The following NIFK variants were observed in gnomAD, a reference collection of about 807,000 sequenced individuals.
The protein encoded by NIFK is nucleolar protein interacting with the FHA domain of MKI67, also known as MKI67 FHA domain-interacting nucleolar phosphoprotein.
A neutral mutation model predicts 31.7 loss-of-function variants in NIFK; 16 were observed. The ratio of observed to expected loss-of-function variants is 0.50; its 90% CI spans 0.34 to 0.77. The LOEUF (loss-of-function observed/expected upper bound fraction) is 0.77. NIFK is among the 30% of genes least tolerant of loss of function. The probability of loss-of-function intolerance (pLI) is 0.01; values close to 1 mark genes in which losing one functional copy is unlikely to be tolerated. For synonymous variants in NIFK, 126 were observed against 123.0 expected, an observed-to-expected ratio of 1.02 and a Z score of -0.16; for missense variants, 341 against 350.4, an observed-to-expected ratio of 0.97 and a Z score of 0.21.
intron 3 of NIFK, 54 bp from the exon 4 acceptor site, chr2:121,731,158 T>C (rs1235097017): frequency 1.0e-6 from 1 of 1,002,228 alleles, no homozygotes; most frequent in East Asian, 2.4e-5. Flanking sequence ...CTTTAGAATC[T>C]CCGCAGTGCC....
chr2:121,727,754 C>A lies in NIFK; in HGVS notation c.852G>T (p.Arg284=). ...IQETQTPTHS[R]KKRRRSSNQ is the part of the protein sequence containing the mutation. Reference sequence around the variant, plus strand: ...GATTGCTGCTTCTTCGTCTTTTTTTCCGTGAATGTGTAGGTGTTTGAGTCT... The same window carrying A: ...GATTGCTGCTTCTTCGTCTTTTTTTACGTGAATGTGTAGGTGTTTGAGTCT... Residue 284 remains arginine, a synonymous_variant, in exon 7 of 7, where the codon CGG becomes CGT. Transcript: ENST00000285814. 1.3e-6 allele frequency: 2 copies of A among 1,598,760 alleles called. No individual in the cohort carries two copies. The highest frequency in any genetic ancestry group is 1.2e-5 in the South Asian group (1 of 86,560).
At chr2:121,727,934 T>C (rs1037868818) in intron 6 of NIFK, 22 bp from the exon 7 acceptor site, 1 of 1,561,326 alleles carries the variant, frequency 6.4e-7, no homozygotes, top group African/African-American at 1.4e-5. Flanking sequence ...AAGTAAAGAT[T>C]ATAATACATA....
At chr2:121,736,664 GCCGGA>G in intron 1 of NIFK, 77 bp downstream of exon 1, 1 of 1,217,240 alleles carries the variant, frequency 8.2e-7, no homozygotes, top group Non-Finnish European at 1.2e-6. Flanking sequence ...GGGCGCCCGG[GCCGGA>G]AACCGTGCAA....
intron 2 of NIFK, among the ~76,000 whole-genome samples, chr2:121,732,843 G>A (rs2074552699): frequency 6.6e-6 from 1 of 151,974 alleles, no homozygotes; most frequent in African/African-American, 2.4e-5. Context: ...TTCACTTTGG[G>A]AGGCCAAGGA....
chr2:121,735,271 C>T (rs937107985), intron 2 of NIFK, among the ~76,000 whole-genome samples: 2 of 152,162 alleles, frequency 1.3e-5, no homozygotes, highest in Non-Finnish European at 2.9e-5. Context: ...CAGTCCAACT[C>T]CAGAGTCCTC....
intron 3 of NIFK, 157 bp from the exon 4 acceptor site, chr2:121,731,261 C>A: frequency 1.7e-6 from 1 of 581,446 alleles, no homozygotes; most frequent in Non-Finnish European, 3.0e-6. Context: ...AATAGAGAGA[C>A]AAGACCTGGG....
rs1166821510 is a variant in NIFK, at chr2:121,732,214, A to G, written c.244-10T>C. ...CTTTGCTATTTCCAGTCTGCAACAG[A>G]GAAACCGCCACAAAAAGTAGAACAA... is the stretch of plus-strand genomic sequence containing the variant. On this transcript the variant is annotated splice_polypyrimidine_tract_variant and intron_variant, in intron 2 of 6. Transcript: ENST00000285814. 3 of 1,507,932 alleles carry G rather than the reference A, an allele frequency of 2.0e-6. No individual in the cohort carries two copies. The highest frequency in any genetic ancestry group is 1.4e-5 in the African/African-American group (1 of 72,770). 93.4% of individuals were successfully genotyped at this position (1,507,932 alleles called of 1,614,324 possible).
At chr2:121,735,124 T>A (rs1343342139) in intron 2 of NIFK, among the ~76,000 whole-genome samples, 1 of 152,228 alleles carries the variant, frequency 6.6e-6, no homozygotes, top group Non-Finnish European at 1.5e-5. Flanking sequence ...CAAGCAATCC[T>A]CTAAAGACTT....
In NIFK at chr2:121,731,118, G is replaced by GA. The variant is rs1269636835; in HGVS notation, c.353-15dup. ...GCATAAAATGACCTATTTTCAAAAA[G>GA]AAAAAAACATAAAGGTATTTTAATG... On this transcript the variant is annotated splice_polypyrimidine_tract_variant and intron_variant, in intron 3 of 6. Transcript: ENST00000285814. 2.8e-6 allele frequency: 4 copies of GA among 1,435,016 alleles called. No individual in the cohort carries two copies. Among genetic ancestry groups the GA allele is most frequent in the African/African-American group, 2.9e-5 (2 of 69,498 alleles). The allele number at this position is 1,435,016 out of a possible 1,614,324, so 88.9% of individuals were successfully genotyped here.
chr2:121,734,341 A>G (rs1371160667), intron 2 of NIFK, among the ~76,000 whole-genome samples: 1 of 152,118 alleles, frequency 6.6e-6, no homozygotes, highest in Non-Finnish European at 1.5e-5. Context: ...AAGGCAATAG[A>G]GTTACATGGA....
In NIFK at chr2:121,730,993, A is replaced by T; in HGVS notation, c.464T>A (p.Leu155Gln). 1 of 1,612,904 alleles carries T rather than the reference A, an allele frequency of 6.2e-7. No individual in the cohort carries two copies. Among genetic ancestry groups the T allele is most frequent in the Non-Finnish European group, 8.5e-7 (1 of 1,179,084 alleles). The stretch of plus-strand genomic sequence containing the variant: ...CTCCTCCATCCGTAGCTTTTGTGTT[A>T]GTGTCCGATTCCGATTATACCGTTT... ...SVKRYNRNRT[L>Q]TQKLRMEERF... Residue 155 changes from leucine to glutamine, a missense_variant, in exon 4 of 7, where the codon CTA becomes CAA. Leu to Gln is a moderately radical substitution (Grantham distance 113). Coordinates refer to ENST00000285814, the MANE Select transcript of NIFK (RefSeq NM_032390.5).
At chr2:121,732,390 A>C (rs2074547860) in intron 2 of NIFK, among the ~76,000 whole-genome samples, 186 bp from the exon 3 acceptor site, 1 of 152,228 alleles carries the variant, frequency 6.6e-6, no homozygotes, top group African/African-American at 2.4e-5. Flanking sequence ...AAGATGCACG[A>C]GTCTGAACAC....
chr2:121,736,106 C>G (rs2074577445), intron 1 of NIFK, among the ~76,000 whole-genome samples: 1 of 152,198 alleles, frequency 6.6e-6, no homozygotes. Context: ...CGCACTTCAT[C>G]GAAAAATTTT....
chr2:121,729,165 G>A (rs1355825967), intron 4 of NIFK, among the ~76,000 whole-genome samples: 1 of 152,010 alleles, frequency 6.6e-6, no homozygotes, highest in African/African-American at 2.4e-5. Context: ...TTCGAGACCA[G>A]CCTGGCTAAC....
chr2:121,733,535 C>T (rs1196888401), intron 2 of NIFK, among the ~76,000 whole-genome samples: 2 of 149,506 alleles, frequency 1.3e-5, no homozygotes, highest in Admixed American at 6.7e-5. Context: ...AAAAATTAGC[C>T]AGGCATGGTG....
rs778012994 is a variant in NIFK, at chr2:121,736,864, G to A, written c.-14C>T. The A allele has an allele frequency of 1.0e-5, 16 of 1,607,956 alleles. No individual in the cohort carries two copies. The highest frequency in any genetic ancestry group is 1.2e-5 in the Non-Finnish European group (14 of 1,174,618). ...AAAAGTCGCCATGCCAAAAGCCGCCGACGCTAACCACGCGGCGCTCCCGGA... is the reference window on the plus strand; with the variant it reads ...AAAAGTCGCCATGCCAAAAGCCGCCAACGCTAACCACGCGGCGCTCCCGGA... On this transcript the variant is annotated 5_prime_UTR_variant, in exon 1 of 7. Transcript: ENST00000285814.
intron 2 of NIFK, among the ~76,000 whole-genome samples, chr2:121,734,797 A>G (rs912006555): frequency 1.3e-5 from 2 of 152,174 alleles, no homozygotes; most frequent in Non-Finnish European, 2.9e-5. Context: ...CAGTCTCAAA[A>G]AAAAGAAAAC....
chr2:121,735,656 T>C lies in NIFK; in HGVS notation c.200A>G (p.Gln67Arg). 2 of 1,612,458 alleles carry C rather than the reference T, an allele frequency of 1.2e-6. No individual in the cohort carries two copies. Among genetic ancestry groups the C allele is most frequent in the Non-Finnish European group, 1.7e-6 (2 of 1,179,898 alleles). ...DETQIFSYFS[Q>R]FGTVTRFRLS... ...CCTGAACCGTGTCACAGTGCCAAAC[T>C]GGGAGAAATATGAAAAGATCTGGGT... Residue 67 changes from glutamine (Q) to arginine (R), a missense_variant, in exon 2 of 7, where the codon CAG (glutamine) becomes CGG (arginine). Coordinates refer to ENST00000285814, the MANE Select transcript of NIFK (RefSeq NM_032390.5).
chr2:121,735,828 C>A, intron 1 of NIFK, 78 bp from the exon 2 acceptor site: 1 of 1,233,730 alleles, frequency 8.1e-7, no homozygotes, highest in South Asian at 1.4e-5. Context: ...GCCCTCGGCC[C>A]AAGAACCTAT....
Sources: gnomAD v4.1 joint callset for allele counts (sites outside exome capture counted in the v4.1 genomes callset) on GRCh38, gnomAD v4.1.1 for gene constraint, MANE v1.5 for transcripts, NCBI Gene and HGNC (gene_info 2026-07-23, HGNC 2026-07-21) for gene names.